Variants in BTD observed in about 807,000 individuals in gnomAD.
The protein encoded by BTD is biotinidase, also known as biocytinase.
In BTD, 13 loss-of-function variants were observed where a neutral mutation model predicts 17.7. The ratio of observed to expected loss-of-function variants is 0.74; its 90% CI spans 0.48 to 1.17. The LOEUF (loss-of-function observed/expected upper bound fraction) is 1.17, where lower values mean the gene tolerates loss of function less well. Ranked by LOEUF, BTD falls within the 50% of genes most tolerant of loss-of-function variation. The pLI is 0.00. For missense variants in BTD, 674 were observed against 650.4 expected (o/e 1.04, Z -0.39); for synonymous variants, 240 against 245.2 (o/e 0.98, Z 0.20).
chr3:15,701,263 T>C (rs1457271987), intron 3 of BTD, among the ~76,000 whole-genome samples: 5 of 152,206 alleles, frequency 3.3e-5, no homozygotes, highest in African/African-American at 9.7e-5. Context: ...CATTGTAATA[T>C]CTTCAATGGC....
At chr3:15,665,712 G>T (rs967550222) in intron 3 of BTD, among the ~76,000 whole-genome samples, 3 of 152,230 alleles carry the variant, frequency 2.0e-5, no homozygotes, top group Admixed American at 1.3e-4. Flanking sequence ...GCGTGGCCAC[G>T]ATTTGTTATG....
chr3:15,629,266 G>T (rs1358894459), intron 1 of BTD, among the ~76,000 whole-genome samples: 3 of 152,154 alleles, frequency 2.0e-5, no homozygotes, highest in Admixed American at 6.5e-5. Flanking sequence ...CTCCAAGTGT[G>T]ACTCAGACCA....
intron 2 of BTD, among the ~76,000 whole-genome samples, chr3:15,640,046 G>A (rs932477390): frequency 3.3e-5 from 5 of 152,184 alleles, no homozygotes; most frequent in Admixed American, 3.3e-4. Flanking sequence ...GGAGATTGCA[G>A]TGAGCCGAGA....
upstream of BTD, chr3:15,601,424 C>G: frequency 1.9e-6 from 3 of 1,614,006 alleles, no homozygotes; most frequent in Non-Finnish European, 2.5e-6. Flanking sequence ...GCACCAGACA[C>G]CTGCTCCTCG....
chr3:15,631,370 T>G lies in BTD; in HGVS notation c.-16-4054T>G, dbSNP rs1016750288. ...TTTTAAAGATTTTTTAATGTATGTATCTGCCTCTGAAATTATTAAGAATGC... is the reference window on the plus strand; with the variant it reads ...TTTTAAAGATTTTTTAATGTATGTAGCTGCCTCTGAAATTATTAAGAATGC... On this transcript the variant is annotated intron_variant, in intron 1 of 3. Transcript: ENST00000643237. The G allele has an allele frequency of 3.2e-6, 4 of 1,231,672 alleles. No homozygotes were observed. In the African/African-American group the frequency reaches 6.0e-5, roughly 19 times the overall value. The allele number at this position is 1,231,672 out of a possible 1,614,324, so 76.3% of individuals were successfully genotyped here.
At chr3:15,683,847 T>C (rs1027841158) in intron 3 of BTD, 3 of 152,224 alleles carry the variant, frequency 2.0e-5, no homozygotes, top group Non-Finnish European at 2.9e-5. Context: ...GAAAGAACTA[T>C]GAAACAGCAT....
downstream of BTD, among the ~76,000 whole-genome samples, chr3:15,717,484 A>G (rs1258023900): frequency 1.3e-5 from 2 of 152,060 alleles, no homozygotes; most frequent in Non-Finnish European, 2.9e-5. Context: ...TCTTTTTCTT[A>G]ATCACCTCAA....
chr3:15,624,735 T>G (rs2065028065), intron 1 of BTD, among the ~76,000 whole-genome samples: 1 of 151,564 alleles, frequency 6.6e-6, no homozygotes, highest in Non-Finnish European at 1.5e-5. Context: ...TTCTGGGAGG[T>G]TTTTTGAGAC....
chr3:15,608,816 A>C (rs1030711477), intron 1 of BTD, among the ~76,000 whole-genome samples: 3 of 152,052 alleles, frequency 2.0e-5, no homozygotes, highest in Non-Finnish European at 4.4e-5. Context: ...ATGGAATTCC[A>C]TACTCGGGGG....
Position 15,644,301 on chromosome 3 carries a change from C to CT in BTD, c.400-8dup, listed in dbSNP as rs397514361. 3.5e-4 allele frequency: 559 copies of CT among 1,610,248 alleles called. No homozygotes were observed. In the African/African-American group the frequency reaches 6.5e-3, roughly 19 times the overall value. On this transcript the variant is annotated splice_polypyrimidine_tract_variant and intron_variant, in intron 3 of 3. Transcript: ENST00000643237. ...AGGCAAAAACCTCATTTATTTACAC[C>CT]TTTTTTTCCTCTAGGTGCTCCAGCG...
intron 3 of BTD, among the ~76,000 whole-genome samples, chr3:15,699,604 C>G (rs1381563620): frequency 6.6e-6 from 1 of 152,200 alleles, no homozygotes; most frequent in East Asian, 1.9e-4. Flanking sequence ...CAAAAGATGA[C>G]ATTTATGCAG....
At chr3:15,605,651 T>C (rs2064426770) in intron 1 of BTD, among the ~76,000 whole-genome samples, 2 of 152,032 alleles carry the variant, frequency 1.3e-5, no homozygotes, top group Non-Finnish European at 2.9e-5. Context: ...GTTAGATGAG[T>C]TTTGACAGTT....
intron 1 of BTD, among the ~76,000 whole-genome samples, chr3:15,606,112 C>T (rs1310589719): frequency 6.6e-5 from 10 of 151,488 alleles, no homozygotes; most frequent in African/African-American, 2.4e-5. Flanking sequence ...GACACAATGC[C>T]TCCTGTCCTT....
chr3:15,703,118 C>T (rs947477996), intron 3 of BTD, among the ~76,000 whole-genome samples: 2 of 151,956 alleles, frequency 1.3e-5, no homozygotes, highest in Non-Finnish European at 2.9e-5. Flanking sequence ...AAGTCACATA[C>T]AAAAGGCAAA....
At position 15,635,831 on chromosome 3, in the gene BTD, T is replaced by G; in HGVS notation, c.249+143T>G. The G allele has an allele frequency of 8.3e-7, 1 of 1,199,862 alleles. No individual in the cohort carries two copies. Among genetic ancestry groups the G allele is most frequent in the Non-Finnish European group, 1.2e-6 (1 of 832,114 alleles). The allele number at this position is 1,199,862 out of a possible 1,614,324, so 74.3% of individuals were successfully genotyped here. The stretch of plus-strand genomic sequence containing the variant: ...AGTTAACCTGAGTTGAGTTAGTCAG[T>G]TGAATTAGGAGCCTTACCCCTCAGA... On this transcript the variant is annotated intron_variant, in intron 2 of 3. Transcript: ENST00000643237. The surrounding 1 kb of genome is among the most constrained non-coding windows in gnomAD (Gnocchi z 4.1).
intron 4 of BTD, chr3:15,721,020 T>C: frequency 6.2e-7 from 1 of 1,613,934 alleles, no homozygotes; most frequent in South Asian, 1.1e-5. Context: ...TTTCATTCTT[T>C]TGATTCACAA....
chr3:15,601,887 A>T lies in BTD; in HGVS notation c.-24A>T, dbSNP rs2064259477. 1 of 1,613,994 alleles carries T rather than the reference A, an allele frequency of 6.2e-7. No homozygotes were observed. The stretch of plus-strand genomic sequence containing the variant: ...GCATATTCAGGGCGGAAGGCGCGCT[A>T]AGAGCAGGTACGGAGGGGGCGTGGT... On this transcript the variant is annotated 5_prime_UTR_variant, in exon 1 of 4. An upstream open reading frame in the 5' UTR gains an earlier in-frame stop. Coordinates refer to ENST00000643237, the MANE Select transcript of BTD (RefSeq NM_001370658.1).
chr3:15,637,057 C>T (rs887600372), intron 2 of BTD, among the ~76,000 whole-genome samples: 2 of 152,126 alleles, frequency 1.3e-5, no homozygotes, highest in African/African-American at 2.4e-5. Flanking sequence ...ACGATTCTAT[C>T]GTCAGAGCTA....
At chr3:15,674,196 A>AAAAAAAAGAAG (rs1470515364) in intron 3 of BTD, among the ~76,000 whole-genome samples, 12 of 130,078 alleles carry the variant, frequency 9.2e-5, no homozygotes, top group African/African-American at 3.6e-4. Flanking sequence ...AAAAAAAAAA[A>AAAAAAAAGAAG]AAGAAGAAGA....
Sources: gnomAD v4.1 joint callset for allele counts (sites outside exome capture counted in the v4.1 genomes callset) on GRCh38, gnomAD v4.1.1 for gene constraint, Gnocchi (gnomAD v3.1) non-coding constraint, MANE v1.5 for transcripts, NCBI Gene and HGNC (gene_info 2026-07-23, HGNC 2026-07-21) for gene names.